NRXN1: variants seen among roughly 807,000 people sequenced by gnomAD.
The protein encoded by NRXN1 is neurexin 1.
NRXN1 carries 39 observed loss-of-function variants against 150.9 expected under a neutral mutation model. The observed-to-expected ratio is 0.26, with a 90% confidence interval of 0.20 to 0.34. The LOEUF (loss-of-function observed/expected upper bound fraction) is 0.34. Among genes scored for constraint, NRXN1 ranks in the 10% least tolerant of loss-of-function variants. The pLI, the probability that NRXN1 is intolerant of heterozygous loss-of-function variation, is 1.00. For missense variants in NRXN1, 1,815 were observed against 1,949.9 expected (o/e 0.93, Z 1.30); for synonymous variants, 924 against 757.0 (o/e 1.22, Z -3.62).
intron 2 of NRXN1, among the ~76,000 whole-genome samples, chr2:50,949,938 T>C (rs1691027950): frequency 6.6e-6 from 1 of 152,118 alleles, no homozygotes; most frequent in African/African-American, 2.4e-5. Context: ...AAAACTACAA[T>C]TTGACTGGAG....
At chr2:50,774,092 T>C (rs1442402292) in intron 5 of NRXN1, among the ~76,000 whole-genome samples, 4 of 152,142 alleles carry the variant, frequency 2.6e-5, no homozygotes. Flanking sequence ...AAAGGAATGC[T>C]GGCAGGAGGC....
chr2:50,957,820 T>A (rs909801686), intron 2 of NRXN1, among the ~76,000 whole-genome samples: 1 of 152,126 alleles, frequency 6.6e-6, no homozygotes, highest in Non-Finnish European at 1.5e-5. Context: ...CAAATGACAT[T>A]TAAAACAATT....
chr2:50,113,309 G>T (rs950781626), intron 18 of NRXN1, among the ~76,000 whole-genome samples: 1 of 151,998 alleles, frequency 6.6e-6, no homozygotes, highest in Non-Finnish European at 1.5e-5. Flanking sequence ...ATAATTATTT[G>T]TGCATGTGTC....
intron 5 of NRXN1, among the ~76,000 whole-genome samples, chr2:50,692,692 T>C (rs886683385): frequency 1.3e-5 from 2 of 151,864 alleles, no homozygotes; most frequent in Non-Finnish European, 2.9e-5. Context: ...TGGGGAGGGC[T>C]TTTTTTTCAT....
chr2:50,933,887 A>G (rs17041114), intron 2 of NRXN1, among the ~76,000 whole-genome samples: 2,762 of 152,254 alleles, frequency 0.018, 88 homozygotes, highest in African/African-American at 0.064. Flanking sequence ...AGAGAAGTTC[A>G]CTTTACTTTT....
chr2:50,463,864 T>C (rs1014523555), intron 17 of NRXN1: 28 of 151,678 alleles, frequency 1.8e-4, no homozygotes, highest in African/African-American at 6.8e-4. Flanking sequence ...CCCTCTCAAC[T>C]ACCACATGTA....
chr2:49,927,686 G>C (rs1251436976), intron 22 of NRXN1, among the ~76,000 whole-genome samples: 1 of 152,254 alleles, frequency 6.6e-6, no homozygotes, highest in South Asian at 2.1e-4. Flanking sequence ...CATGATAAAT[G>C]GTGTTTAAAA....
intron 18 of NRXN1, among the ~76,000 whole-genome samples, chr2:50,111,535 G>A (rs1702377202): frequency 6.6e-6 from 1 of 151,772 alleles, no homozygotes; most frequent in South Asian, 2.1e-4. Flanking sequence ...GCTACTCTGG[G>A]GACTGAAGCA....
intron 5 of NRXN1, among the ~76,000 whole-genome samples, chr2:50,641,142 A>G (rs935736643): frequency 6.6e-6 from 1 of 152,134 alleles, no homozygotes; most frequent in Non-Finnish European, 1.5e-5. Context: ...GGTACAAAAA[A>G]TGGTTTTTGC....
intron 2 of NRXN1, among the ~76,000 whole-genome samples, chr2:50,990,991 T>G (rs1698461077): frequency 6.6e-6 from 1 of 152,078 alleles, no homozygotes; most frequent in Non-Finnish European, 1.5e-5. Context: ...TTTGTTTATT[T>G]ACTCTTTCTT....
chr2:49,981,086 C>T (rs890956930), intron 21 of NRXN1, among the ~76,000 whole-genome samples: 1 of 152,106 alleles, frequency 6.6e-6, no homozygotes, highest in Non-Finnish European at 1.5e-5. Flanking sequence ...TCATTTTAGG[C>T]TAATCTCTAC....
At chr2:50,786,240 T>C (rs1705095413) in intron 5 of NRXN1, among the ~76,000 whole-genome samples, 1 of 152,152 alleles carries the variant, frequency 6.6e-6, no homozygotes, top group South Asian at 2.1e-4. Context: ...GGGCCATCTA[T>C]GTACGACAGG....
chr2:49,928,566 T>G (rs551931504), intron 22 of NRXN1, among the ~76,000 whole-genome samples: 1 of 152,128 alleles, frequency 6.6e-6, no homozygotes, highest in African/African-American at 2.4e-5. Context: ...AAAATTGGAA[T>G]TGTAGCCTCC....
chr2:49,984,991 T>A (rs927311241), intron 21 of NRXN1, among the ~76,000 whole-genome samples: 3 of 152,152 alleles, frequency 2.0e-5, no homozygotes, highest in African/African-American at 7.2e-5. Context: ...AATATGTGAC[T>A]ATAGGGAGAG....
intron 21 of NRXN1, among the ~76,000 whole-genome samples, chr2:49,944,647 C>G (rs1244516018): frequency 6.6e-6 from 1 of 152,154 alleles, no homozygotes; most frequent in African/African-American, 2.4e-5. Context: ...CACTGACAAG[C>G]TGCAGTAAAT....
At chr2:50,007,396 G>A (rs1349665832) in intron 21 of NRXN1, among the ~76,000 whole-genome samples, 3 of 151,872 alleles carry the variant, frequency 2.0e-5, no homozygotes, top group African/African-American at 7.3e-5. Flanking sequence ...ACCACCCCTC[G>A]ACAGGCCCTG....
At position 50,899,016 on chromosome 2, in the gene NRXN1, T is replaced by A. The variant is rs940629968; in HGVS notation, c.832+22853A>T. 2.0e-4 allele frequency among the ~76,000 whole-genome samples: 30 copies of A among 152,116 alleles called. 2 individuals are homozygous for A. Among genetic ancestry groups the A allele is most frequent in the Non-Finnish European group, 1.5e-5 (1 of 68,006 alleles). ...CAAACAGAGAGTTAAGACTTCTGAA[T>A]GCAGACACAGCTTGAAAAAGAAGAT... On this transcript the variant is annotated intron_variant, in intron 5 of 22. Transcript: ENST00000401669.
intron 5 of NRXN1, among the ~76,000 whole-genome samples, chr2:50,883,496 CTG>C (rs2103723327): frequency 6.6e-6 from 1 of 150,856 alleles, no homozygotes; most frequent in Admixed American, 6.6e-5. Flanking sequence ...TGGAAAATAT[CTG>C]TGAATGTTAT....
At chr2:50,224,220 C>A (rs1204134191) in intron 18 of NRXN1, among the ~76,000 whole-genome samples, 2 of 151,804 alleles carry the variant, frequency 1.3e-5, no homozygotes, top group Admixed American at 1.3e-4. Context: ...TGAAATTTTC[C>A]TTTGTACAAA....
Sources: allele counts gnomAD v4.1 joint callset (sites outside exome capture counted in the v4.1 genomes callset), GRCh38; gene constraint gnomAD v4.1.1; transcripts MANE v1.5; gene names NCBI Gene and HGNC (gene_info 2026-07-23, HGNC 2026-07-21).